ASB3: variants seen among roughly 807,000 people sequenced by gnomAD.
ASB3 encodes the protein ankyrin repeat and SOCS box protein 3.
Under a neutral mutation model 54.5 loss-of-function variants are expected in ASB3, and 41 were observed. That is an observed-to-expected ratio of 0.75 (90% confidence interval 0.59 to 0.98). The LOEUF (loss-of-function observed/expected upper bound fraction) is 0.98, where lower values mean the gene tolerates loss of function less well. Ranked by LOEUF, ASB3 falls within the 50% of genes least tolerant of loss-of-function variation. The pLI is 0.00. For missense variants in ASB3, 733 were observed against 620.0 expected, an observed-to-expected ratio of 1.18 and a Z score of -1.94; for synonymous variants, 266 against 221.2, an observed-to-expected ratio of 1.20 and a Z score of -1.80.
Position 53,785,761 on chromosome 2 carries a change from G to T in ASB3, c.-14+1060C>A, listed in dbSNP as rs142116181. On this transcript the variant is annotated intron_variant, in intron 1 of 9. Transcript: ENST00000263634. ...AGGCTGAGAAAAAGGAGAATCCCTT[G>T]AACTCCAGAGGCGGAGGTTGCAGTG... 6.9e-3 allele frequency among the ~76,000 whole-genome samples: 1,054 copies of T among 152,332 alleles called. 14 individuals carry two copies. The highest frequency in any genetic ancestry group is 0.023 in the African/African-American group (946 of 41,568).
intron 2 of ASB3, among the ~76,000 whole-genome samples, chr2:53,753,449 CA>C (rs1382862063): frequency 1.3e-5 from 2 of 152,034 alleles, no homozygotes; most frequent in Non-Finnish European, 2.9e-5. Flanking sequence ...GAGTAGAGTC[CA>C]GACATCAGTA....
chr2:53,720,776 T>A (rs1202490338), intron 5 of ASB3, among the ~76,000 whole-genome samples: 1 of 152,162 alleles, frequency 6.6e-6, no homozygotes, highest in African/African-American at 2.4e-5. Flanking sequence ...AACCACAGAA[T>A]ATATATTCTT....
chr2:53,701,461 T>C (rs1419794337), intron 7 of ASB3, among the ~76,000 whole-genome samples: 2 of 152,158 alleles, frequency 1.3e-5, no homozygotes, highest in Non-Finnish European at 2.9e-5. Context: ...GAATATGACA[T>C]AGCAAATTTC....
At chr2:53,774,277 C>T (rs1674170055) in intron 1 of ASB3, 1 of 1,614,158 alleles carries the variant, frequency 6.2e-7, no homozygotes, top group Admixed American at 1.7e-5. Flanking sequence ...CACAACAAAA[C>T]CATTCAGTGT....
intron 9 of ASB3, among the ~76,000 whole-genome samples, chr2:53,685,588 C>A (rs1668590476): frequency 6.6e-6 from 1 of 152,186 alleles, no homozygotes; most frequent in Admixed American, 6.5e-5. Context: ...ATCTTAACAG[C>A]CACTAAGAAG....
intron 9 of ASB3, among the ~76,000 whole-genome samples, chr2:53,691,601 C>G (rs1045691325): frequency 6.6e-6 from 1 of 152,102 alleles, no homozygotes; most frequent in Admixed American, 6.5e-5. Context: ...AAACCCTGAT[C>G]ATGCTTCTGC....
chr2:53,721,035 C>T (rs1670675179), intron 5 of ASB3, among the ~76,000 whole-genome samples: 1 of 151,596 alleles, frequency 6.6e-6, no homozygotes, highest in Non-Finnish European at 1.5e-5. Context: ...AGGAGAATTG[C>T]TTGAACCAGG....
At chr2:53,722,729 C>T (rs1327438902) in intron 5 of ASB3, among the ~76,000 whole-genome samples, 3 of 152,084 alleles carry the variant, frequency 2.0e-5, no homozygotes, top group South Asian at 4.1e-4. Context: ...CCACAGCCAA[C>T]ATCATACTGA....
chr2:53,710,928 C>A (rs1440899143), intron 7 of ASB3, among the ~76,000 whole-genome samples: 3 of 151,752 alleles, frequency 2.0e-5, no homozygotes, highest in Non-Finnish European at 2.9e-5. Flanking sequence ...GAGTTCAAGA[C>A]CAGCCTAGGC....
At chr2:53,778,841 T>C (rs1205520154) in intron 1 of ASB3, among the ~76,000 whole-genome samples, 2 of 152,238 alleles carry the variant, frequency 1.3e-5, no homozygotes, top group Non-Finnish European at 2.9e-5. Context: ...AATGCTGCAA[T>C]GAACATGGGA....
chr2:53,709,199 A>G (rs1669954631), intron 7 of ASB3, among the ~76,000 whole-genome samples: 1 of 152,220 alleles, frequency 6.6e-6, no homozygotes, highest in Non-Finnish European at 1.5e-5. Flanking sequence ...TGTCCTCCAC[A>G]GCCTTGGGAC....
chr2:53,775,221 T>C (rs1346444449), intron 1 of ASB3: 1 of 152,650 alleles, frequency 6.6e-6, no homozygotes, highest in East Asian at 1.9e-4. Flanking sequence ...ATTCACTTTG[T>C]ATTAATCTTA....
intron 2 of ASB3, among the ~76,000 whole-genome samples, chr2:53,759,251 C>T (rs543865539): frequency 7.2e-5 from 11 of 152,126 alleles, no homozygotes; most frequent in South Asian, 2.1e-4. Flanking sequence ...TGCTAACTTG[C>T]GTGCAAGAAG....
chr2:53,733,969 T>C (rs1167470823), intron 3 of ASB3, among the ~76,000 whole-genome samples: 1 of 152,228 alleles, frequency 6.6e-6, no homozygotes, highest in Non-Finnish European at 1.5e-5. Flanking sequence ...AGGGATGGGT[T>C]TGGCTAGTTA....
At chr2:53,691,776 T>C (rs993585532) in intron 9 of ASB3, among the ~76,000 whole-genome samples, 11 of 152,134 alleles carry the variant, frequency 7.2e-5, no homozygotes, top group African/African-American at 2.7e-4. Flanking sequence ...GCCAGGCAAC[T>C]AAGTTTTTCT....
chr2:53,681,884 G>A (rs1221343240), intron 9 of ASB3, among the ~76,000 whole-genome samples: 1 of 152,094 alleles, frequency 6.6e-6, no homozygotes, highest in Non-Finnish European at 1.5e-5. Context: ...TGCTGGCTGG[G>A]CGCGGTGGCT....
At chr2:53,722,819 A>G (rs867227411) in intron 5 of ASB3, among the ~76,000 whole-genome samples, 3 of 152,326 alleles carry the variant, frequency 2.0e-5, no homozygotes, top group Middle Eastern at 3.4e-3. Flanking sequence ...TATTCAACAT[A>G]GTACTGAAAG....
chr2:53,775,403 C>T (rs955771523), intron 1 of ASB3, among the ~76,000 whole-genome samples: 1 of 151,814 alleles, frequency 6.6e-6, no homozygotes, highest in African/African-American at 2.4e-5. Context: ...TTGCAGCCTG[C>T]GTCTGGCCAT....
At chr2:53,727,753 T>C (rs1671085825) in intron 5 of ASB3, among the ~76,000 whole-genome samples, 1 of 151,978 alleles carries the variant, frequency 6.6e-6, no homozygotes, top group African/African-American at 2.4e-5. Flanking sequence ...GGAGACAGAG[T>C]CTCCCTCTGT....
Sources: gnomAD v4.1 joint callset for allele counts (sites outside exome capture counted in the v4.1 genomes callset) on GRCh38, gnomAD v4.1.1 for gene constraint, MANE v1.5 for transcripts, NCBI Gene and HGNC (gene_info 2026-07-23, HGNC 2026-07-21) for gene names.